Variants in WRAP73 observed in about 807,000 individuals in gnomAD.
The protein encoded by WRAP73 is WD repeat-containing protein WRAP73.
WRAP73 carries 55 observed loss-of-function variants against 59.6 expected under a neutral mutation model. The observed-to-expected ratio is 0.92, with a 90% CI of 0.74 to 1.15. The LOEUF (loss-of-function observed/expected upper bound fraction) is 1.15. Among genes scored for constraint, WRAP73 ranks in the 50% most tolerant of loss-of-function variants. The pLI, the probability that WRAP73 is intolerant of heterozygous loss-of-function variation, is 0.00. For synonymous variants in WRAP73, 265 were observed against 258.2 expected (o/e 1.03, Z -0.25); for missense variants, 592 against 608.1 (o/e 0.97, Z 0.28).
intron 3 of WRAP73, among the ~76,000 whole-genome samples, chr1:3,642,881 A>G (rs1644659823): frequency 6.6e-6 from 1 of 152,160 alleles, no homozygotes; most frequent in Non-Finnish European, 1.5e-5. Context: ...GAAAGCACTC[A>G]ACCTCACCGA....
Position 3,632,596 on chromosome 1 carries a change from G to T in WRAP73, c.923-258C>A, listed in dbSNP as rs1027188220. 5.9e-6 allele frequency: 3 copies of T among 511,882 alleles called. No homozygotes were observed. In the Admixed American group the frequency reaches 9.6e-5, roughly 16 times the overall value. 31.7% of individuals were successfully genotyped at this position (511,882 alleles called of 1,614,324 possible). ...GGTGGGGGGTGGACCCCACGTGCCAGGGGCTGACTGGAGAGGGACATGGAC... is the reference window on the plus strand; with the variant it reads ...GGTGGGGGGTGGACCCCACGTGCCATGGGCTGACTGGAGAGGGACATGGAC... On this transcript the variant is annotated intron_variant, in intron 9 of 11. Coordinates refer to ENST00000270708, the MANE Select transcript of WRAP73 (RefSeq NM_017818.4).
At chr1:3,632,159 G>A in intron 10 of WRAP73, 54 bp downstream of exon 10, 1 of 1,556,682 alleles carries the variant, frequency 6.4e-7, no homozygotes, top group East Asian at 2.3e-5. Flanking sequence ...TTCTACACCT[G>A]GGGCCACAGG....
Position 3,646,810 on chromosome 1 carries a change from A to T in WRAP73, c.223-28T>A. 2 of 1,589,186 alleles carry T rather than the reference A, an allele frequency of 1.3e-6. No homozygotes were observed. On this transcript the variant is annotated intron_variant, in intron 2 of 11. Transcript: ENST00000270708. The surrounding 1 kb of genome is among the most constrained non-coding windows in gnomAD (Gnocchi z 5.1). ...GGATTGAGAGAAGAAAGAAACACAC[A>T]AGTGCAAACTCATCAGCACCGAGAG...
intron 10 of WRAP73, 44 bp downstream of exon 10, chr1:3,632,169 G>T (rs777580134): frequency 4.4e-6 from 7 of 1,578,682 alleles, no homozygotes; most frequent in Non-Finnish European, 6.0e-6. Context: ...GGGGCCACAG[G>T]ACACAGTAAA....
intron 1 of WRAP73, among the ~76,000 whole-genome samples, chr1:3,649,195 T>A (rs1264002435): frequency 5.3e-5 from 8 of 152,234 alleles, no homozygotes; most frequent in African/African-American, 1.9e-4. Flanking sequence ...TCCAGGTACA[T>A]ACACTATATG....
At position 3,640,485 on chromosome 1, in the gene WRAP73, A is replaced by G. The variant is rs12040484; in HGVS notation, c.340-1663T>C. Among the ~76,000 whole-genome samples, 174 of 88,922 alleles carry G rather than the reference A, an allele frequency of 2.0e-3. 17 individuals carry two copies. Among genetic ancestry groups the G allele is most frequent in the African/African-American group, 7.8e-3 (160 of 20,466 alleles). The allele number at this position is 88,922 out of a possible 152,430, so 58.3% of individuals were successfully genotyped here. A position where few individuals can be genotyped will look rare whatever the true frequency, so the allele number is the denominator to read the frequency against. On this transcript the variant is annotated intron_variant, in intron 3 of 11. Transcript: ENST00000270708. The stretch of plus-strand genomic sequence containing the variant: ...GAGCATCAGCAGGGCAGGGTGGAAC[A>G]CCCGAGGCTCTGAGCATCAGCAGGG...
intron 3 of WRAP73, among the ~76,000 whole-genome samples, chr1:3,643,558 C>G (rs977124926): frequency 7.1e-6 from 1 of 140,270 alleles, no homozygotes; most frequent in Non-Finnish European, 1.6e-5. Context: ...GTGGACTCAG[C>G]GGCCCCACTA....
intron 9 of WRAP73, 119 bp downstream of exon 9, chr1:3,633,279 A>C: frequency 1.1e-6 from 1 of 926,066 alleles, no homozygotes. Context: ...ACTGGCTGGA[A>C]GCATGGAAGG....
In WRAP73 at chr1:3,650,039, C is replaced by T; in HGVS notation, c.-40G>A. 6.5e-7 allele frequency: 1 copy of T among 1,548,556 alleles called. No individual in the cohort carries two copies. Among genetic ancestry groups the T allele is most frequent in the Non-Finnish European group, 8.7e-7 (1 of 1,149,514 alleles). ...GCGGGCGCCACCCTGCGCCCGAAAA[C>T]CCGCGGGACCCCTGGGCGCGCAGCA... On this transcript the variant is annotated 5_prime_UTR_variant, in exon 1 of 12. Transcript: ENST00000270708.
intron 5 of WRAP73, chr1:3,636,498 A>C: frequency 3.1e-6 from 1 of 327,862 alleles, no homozygotes; most frequent in Non-Finnish European, 5.9e-6. Flanking sequence ...CAGCTCAGAC[A>C]AGTCCCTTCC....
At chr1:3,637,449 G>A (rs769864121) in intron 4 of WRAP73, among the ~76,000 whole-genome samples, 2 of 152,114 alleles carry the variant, frequency 1.3e-5, no homozygotes, top group Admixed American at 6.6e-5. Flanking sequence ...TCTAAGCTGC[G>A]GGACACCCAG....
intron 11 of WRAP73, 119 bp from the exon 12 acceptor site, chr1:3,631,236 A>G (rs1435228018): frequency 6.7e-7 from 1 of 1,503,220 alleles, no homozygotes; most frequent in Non-Finnish European, 9.0e-7. Context: ...AGGCAGAGCC[A>G]GGGTGGAGCC....
intron 4 of WRAP73, 110 bp from the exon 5 acceptor site, chr1:3,637,208 GA>G: frequency 1.1e-6 from 1 of 946,712 alleles, no homozygotes. Context: ...GAGGTGAAAA[GA>G]AGGGAAATGG....
rs1387529291 is a variant in WRAP73 at position 3,636,535 on chromosome 1, G to A, written c.516+460C>T. ...GAGCACTGCCTGGATCCCGGGTTCT[G>A]CACTCTGACAGCATTCCAGAGGTTG... On this transcript the variant is annotated intron_variant, in intron 5 of 11. Transcript: ENST00000270708. 2.4e-5 allele frequency: 8 copies of A among 335,880 alleles called. No homozygotes were observed. The East Asian group carries it at 6.6e-4, about 28-fold the overall frequency. The allele number at this position is 335,880 out of a possible 1,614,324, so 20.8% of individuals were successfully genotyped here.
intron 3 of WRAP73, among the ~76,000 whole-genome samples, chr1:3,642,940 C>G (rs985237692): frequency 1.3e-5 from 2 of 151,832 alleles, no homozygotes; most frequent in Admixed American, 6.6e-5. Context: ...CATTTAGTCG[C>G]CTGGATGGAA....
rs1420494014 is a variant in WRAP73 at position 3,639,479 on chromosome 1, C to T, written c.340-657G>A. 2 of 152,386 alleles carry T rather than the reference C, an allele frequency of 1.3e-5. No homozygotes were observed. Among genetic ancestry groups the T allele is most frequent in the Non-Finnish European group, 2.9e-5 (2 of 68,136 alleles). 9.4% of individuals were successfully genotyped at this position (152,386 alleles called of 1,614,324 possible). A position where few individuals can be genotyped will look rare whatever the true frequency, so the allele number is the denominator to read the frequency against. Reference sequence around the variant, plus strand: ...GATTTTCTAACCAGGCCGACGAGGGCGTGCCTGCTGAGGGAGAGGCACCGC... The same window carrying T: ...GATTTTCTAACCAGGCCGACGAGGGTGTGCCTGCTGAGGGAGAGGCACCGC... On this transcript the variant is annotated intron_variant, in intron 3 of 11. Coordinates refer to ENST00000270708, the MANE Select transcript of WRAP73 (RefSeq NM_017818.4). This position sits in a 1 kb window ranked among gnomAD's most constrained non-coding sequence, Gnocchi z 4.3.
rs1644689305 is a variant in WRAP73, at chr1:3,646,123, C to T, written c.339+543G>A. On this transcript the variant is annotated intron_variant, in intron 3 of 11. Coordinates refer to ENST00000270708, the MANE Select transcript of WRAP73 (RefSeq NM_017818.4). The surrounding 1 kb of genome is among the most constrained non-coding windows in gnomAD (Gnocchi z 5.1). ...GGCTCCCTCCAACCCCGCCAATCTA[C>T]CAGCCACTCGGGAGCCACCTCAGTC... is the stretch of plus-strand genomic sequence containing the variant. Among the ~76,000 whole-genome samples, 1 of 152,208 alleles carries T rather than the reference C, an allele frequency of 6.6e-6. No homozygotes were observed. The highest frequency in any genetic ancestry group is 6.5e-5 in the Admixed American group (1 of 15,290).
intron 3 of WRAP73, among the ~76,000 whole-genome samples, chr1:3,640,437 C>A (rs112523767): frequency 6.7e-6 from 1 of 149,738 alleles, no homozygotes; most frequent in Non-Finnish European, 1.5e-5. Flanking sequence ...ATCAGCAGGG[C>A]GGGGTGGAGC....
intron 5 of WRAP73, 45 bp downstream of exon 5, chr1:3,636,950 C>G: frequency 6.3e-7 from 1 of 1,582,376 alleles, no homozygotes. Flanking sequence ...TCGATCCCTC[C>G]ACAGTCAGCA....
Sources: allele counts gnomAD v4.1 joint callset (sites outside exome capture counted in the v4.1 genomes callset), GRCh38; gene constraint gnomAD v4.1.1; non-coding constraint Gnocchi (gnomAD v3.1); transcripts MANE v1.5; gene names NCBI Gene and HGNC (gene_info 2026-07-23, HGNC 2026-07-21).